Variants in SNTB1 observed in about 807,000 individuals in gnomAD.
SNTB1 encodes syntrophin beta 1.
Under a neutral mutation model 48.9 loss-of-function variants are expected in SNTB1, and 36 were observed. The observed-to-expected ratio is 0.74, with a 90% CI of 0.56 to 0.97. SNTB1 has a LOEUF of 0.97. Among genes scored for constraint, SNTB1 ranks in the 50% least tolerant of loss-of-function variants. The pLI is 0.00. For missense variants in SNTB1, 786 were observed against 703.4 expected (o/e 1.12, Z -1.33); for synonymous variants, 299 against 294.6 (o/e 1.01, Z -0.15).
At chr8:120,671,530 G>A (rs994879609) in intron 2 of SNTB1, among the ~76,000 whole-genome samples, 2 of 152,152 alleles carry the variant, frequency 1.3e-5, no homozygotes, top group African/African-American at 2.4e-5. Flanking sequence ...AAATACCAAG[G>A]ACACTAGAAG....
chr8:120,735,526 C>T (rs977673688), intron 1 of SNTB1, among the ~76,000 whole-genome samples: 7 of 152,026 alleles, frequency 4.6e-5, no homozygotes, highest in South Asian at 2.1e-4. Flanking sequence ...ATCTAATCTG[C>T]GTGGTTGGTG....
intron 1 of SNTB1, among the ~76,000 whole-genome samples, chr8:120,810,961 T>C (rs1263440932): frequency 6.6e-6 from 1 of 152,090 alleles, no homozygotes; most frequent in Admixed American, 6.5e-5. Flanking sequence ...CAGATAAAAA[T>C]GAAACAACGT....
chr8:120,555,821 G>A (rs1331517333), intron 4 of SNTB1, among the ~76,000 whole-genome samples: 3 of 152,118 alleles, frequency 2.0e-5, no homozygotes, highest in Non-Finnish European at 2.9e-5. Context: ...TATAAGAAGA[G>A]GAAGAGAAGC....
chr8:120,774,516 G>A (rs867876331), intron 1 of SNTB1, among the ~76,000 whole-genome samples: 15 of 152,160 alleles, frequency 9.9e-5, no homozygotes, highest in African/African-American at 2.9e-4. Context: ...AATTGGATTC[G>A]TTTAGGTGGC....
At chr8:120,644,843 A>AT (rs1817258640) in intron 2 of SNTB1, among the ~76,000 whole-genome samples, 1 of 151,778 alleles carries the variant, frequency 6.6e-6, no homozygotes, top group Non-Finnish European at 1.5e-5. Flanking sequence ...TGACTTTTTA[A>AT]TGATTGCCAT....
chr8:120,797,484 C>T (rs1169674147), intron 1 of SNTB1, among the ~76,000 whole-genome samples: 1 of 151,126 alleles, frequency 6.6e-6, no homozygotes, highest in Non-Finnish European at 1.5e-5. Flanking sequence ...TAGTTGTTGA[C>T]CCAAACTAAT....
intron 3 of SNTB1, among the ~76,000 whole-genome samples, chr8:120,625,898 G>A (rs1816866031): frequency 6.6e-6 from 1 of 152,196 alleles, no homozygotes; most frequent in Non-Finnish European, 1.5e-5. Flanking sequence ...CCTGGAAGAA[G>A]CAGTGAGAAA....
intron 3 of SNTB1, among the ~76,000 whole-genome samples, chr8:120,580,917 A>G (rs1196119104): frequency 6.6e-6 from 1 of 152,024 alleles, no homozygotes; most frequent in Middle Eastern, 3.2e-3. Context: ...CCCAGGAATC[A>G]GGAGTCAGAC....
intron 1 of SNTB1, among the ~76,000 whole-genome samples, chr8:120,744,778 CTCT>C (rs1429714513): frequency 6.6e-6 from 1 of 152,154 alleles, no homozygotes; most frequent in Non-Finnish European, 1.5e-5. Flanking sequence ...GTATTGCTGT[CTCT>C]TCTTCTATGT....
intron 2 of SNTB1, among the ~76,000 whole-genome samples, chr8:120,683,449 G>A (rs1354583545): frequency 6.6e-6 from 1 of 151,828 alleles, no homozygotes; most frequent in Non-Finnish European, 1.5e-5. Context: ...GAAAGAAAAG[G>A]AAACTCCCAG....
At position 120,737,931 on chromosome 8, in the gene SNTB1, G is replaced by T. The variant is rs73323113; in HGVS notation, c.572-44023C>A. ...CCCAAAGTGAGAACTTTATAGCACA[G>T]TAGGCCAGTGAATGAAACAATTTTG... On this transcript the variant is annotated intron_variant, in intron 1 of 6. Transcript: ENST00000517992. Among the ~76,000 whole-genome samples the T allele has an allele frequency of 5.7e-3, 875 of 152,258 alleles. 8 individuals are homozygous for T. Among genetic ancestry groups the T allele is most frequent in the Middle Eastern group, 0.031 (9 of 294 alleles).
chr8:120,601,806 A>G (rs1816426526), intron 3 of SNTB1, among the ~76,000 whole-genome samples: 1 of 152,200 alleles, frequency 6.6e-6, no homozygotes, highest in African/African-American at 2.4e-5. Context: ...CATTGTGTCT[A>G]CAAGACGCGC....
chr8:120,723,862 A>G (rs568214601), intron 1 of SNTB1, among the ~76,000 whole-genome samples: 1 of 152,342 alleles, frequency 6.6e-6, no homozygotes, highest in African/African-American at 2.4e-5. Context: ...TGTTATTGCT[A>G]GGAAGTGGCT....
At chr8:120,561,546 G>A (rs542962598) in intron 4 of SNTB1, among the ~76,000 whole-genome samples, 86 of 151,898 alleles carry the variant, frequency 5.7e-4, no homozygotes, top group Non-Finnish European at 1.1e-3. Context: ...AGCAGTCTTG[G>A]AGCTATACTT....
intron 1 of SNTB1, among the ~76,000 whole-genome samples, chr8:120,724,983 T>C (rs922644836): frequency 1.3e-5 from 2 of 152,238 alleles, no homozygotes; most frequent in Admixed American, 1.3e-4. Flanking sequence ...ACTCCTGACT[T>C]GAACCACATC....
chr8:120,592,402 T>C (rs915510411), intron 3 of SNTB1, among the ~76,000 whole-genome samples: 2 of 152,058 alleles, frequency 1.3e-5, no homozygotes, highest in Non-Finnish European at 2.9e-5. Context: ...TTGCCCAGGC[T>C]GGTCTCGAAC....
chr8:120,673,501 G>C (rs1473153694), intron 2 of SNTB1, among the ~76,000 whole-genome samples: 1 of 152,016 alleles, frequency 6.6e-6, no homozygotes, highest in East Asian at 1.9e-4. Context: ...ATGTTGGCCA[G>C]GCTGGTCTCA....
chr8:120,654,218 G>T (rs566654192), intron 2 of SNTB1, among the ~76,000 whole-genome samples: 42 of 151,902 alleles, frequency 2.8e-4, no homozygotes, highest in Non-Finnish European at 5.3e-4. Context: ...CAGTACCCTC[G>T]ACTTCCTTCT....
chr8:120,684,902 C>T (rs539771296), intron 2 of SNTB1, among the ~76,000 whole-genome samples: 14 of 152,160 alleles, frequency 9.2e-5, no homozygotes, highest in South Asian at 2.1e-4. Flanking sequence ...TTACTCCACC[C>T]GCCTTGGCAT....
Sources: allele counts gnomAD v4.1 joint callset (sites outside exome capture counted in the v4.1 genomes callset), GRCh38; gene constraint gnomAD v4.1.1; transcripts MANE v1.5; gene names NCBI Gene and HGNC (gene_info 2026-07-23, HGNC 2026-07-21).